The following HS6ST3 variants were observed in gnomAD, a reference collection of about 807,000 sequenced individuals.
HS6ST3 encodes the protein heparan sulfate 6-O-sulfotransferase 3.
In HS6ST3, 12 loss-of-function variants were observed where a neutral mutation model predicts 36.7. That is an observed-to-expected ratio of 0.33 (90% confidence interval 0.21 to 0.53). The LOEUF (loss-of-function observed/expected upper bound fraction) is 0.53, where lower values mean the gene tolerates loss of function less well. HS6ST3 is among the 20% of genes least tolerant of loss of function. The pLI, the probability that HS6ST3 is intolerant of heterozygous loss-of-function variation, is 0.95. For synonymous variants in HS6ST3, 240 were observed against 257.5 expected (o/e 0.93, Z 0.65); for missense variants, 584 against 640.9 (o/e 0.91, Z 0.96).
In HS6ST3 at chr13:96,235,473, A is replaced by C. The variant is rs972277847; in HGVS notation, c.707+143904A>C. 3.9e-5 allele frequency among the ~76,000 whole-genome samples: 6 copies of C among 152,216 alleles called. No homozygotes were observed. In the South Asian group the frequency reaches 1.2e-3, roughly 32 times the overall value. On this transcript the variant is annotated intron_variant, in intron 1 of 1. Transcript: ENST00000376705. ...GCCACACATAGAACCAGCAAAGAGG[A>C]AGCCACAAATGGGTCATAGGGGAGT... is the stretch of plus-strand genomic sequence containing the variant.
rs570659745 is a variant in HS6ST3 at position 96,221,551 on chromosome 13, G to T, written c.707+129982G>T. On this transcript the variant is annotated intron_variant, in intron 1 of 1. Transcript: ENST00000376705. ...GGAGGAGGTAGGATTTGGGGGAACA[G>T]TTAGATGCAGGTGAGTGCTCTAAAG... Among the ~76,000 whole-genome samples the T allele has an allele frequency of 4.6e-5, 7 of 152,268 alleles. No homozygotes were observed. In the South Asian group the frequency reaches 1.5e-3, roughly 32 times the overall value.
chr13:96,770,689 AAC>A (rs1594856160), intron 1 of HS6ST3, among the ~76,000 whole-genome samples: 1 of 152,236 alleles, frequency 6.6e-6, no homozygotes, highest in Non-Finnish European at 1.5e-5. Context: ...ATTGGATAGT[AAC>A]CACCAGAATT....
At chr13:96,458,166 A>G (rs1409603463) in intron 1 of HS6ST3, among the ~76,000 whole-genome samples, 1 of 152,182 alleles carries the variant, frequency 6.6e-6, no homozygotes, top group Admixed American at 6.5e-5. Context: ...TCTTACCTTC[A>G]TTCATTCCAA....
intron 1 of HS6ST3, among the ~76,000 whole-genome samples, chr13:96,241,169 A>G (rs994368660): frequency 6.6e-6 from 1 of 152,124 alleles, no homozygotes; most frequent in African/African-American, 2.4e-5. Flanking sequence ...ATAAAATGAA[A>G]GAAACGCCTA....
intron 1 of HS6ST3, among the ~76,000 whole-genome samples, chr13:96,398,129 T>C (rs556586934): frequency 6.6e-6 from 1 of 152,290 alleles, no homozygotes; most frequent in South Asian, 2.1e-4. Context: ...ATTGTGACTG[T>C]TAAATATAAT....
At chr13:96,810,728 G>A (rs1374215363) in intron 1 of HS6ST3, among the ~76,000 whole-genome samples, 4 of 152,214 alleles carry the variant, frequency 2.6e-5, no homozygotes, top group Admixed American at 6.5e-5. Context: ...TTTGCCCTGA[G>A]TGTGGGGTCT....
At position 96,804,369 on chromosome 13, in the gene HS6ST3, A is replaced by G. The variant is rs537642712; in HGVS notation, c.708-28121A>G. On this transcript the variant is annotated intron_variant, in intron 1 of 1. Transcript: ENST00000376705. ...AAAGAGGAGGAGGGAGGTGCCTGGA[A>G]TGGTTAAGGGTGTGGCCGGGAGCTT... 2.3e-4 allele frequency among the ~76,000 whole-genome samples: 35 copies of G among 152,216 alleles called. No homozygotes were observed. In the South Asian group the frequency reaches 5.8e-3, roughly 25 times the overall value.
At chr13:96,624,152 C>T (rs974710733) in intron 1 of HS6ST3, among the ~76,000 whole-genome samples, 1 of 151,962 alleles carries the variant, frequency 6.6e-6, no homozygotes, top group African/African-American at 2.4e-5. Context: ...TATACATGTA[C>T]AGGTGTGTGT....
intron 1 of HS6ST3, among the ~76,000 whole-genome samples, chr13:96,335,108 G>A (rs1023942590): frequency 6.6e-6 from 1 of 152,090 alleles, no homozygotes; most frequent in Non-Finnish European, 1.5e-5. Flanking sequence ...CATGAGGAGG[G>A]TGTTTGTTGT....
intron 1 of HS6ST3, among the ~76,000 whole-genome samples, chr13:96,282,829 C>T (rs2054782405): frequency 6.6e-6 from 1 of 152,122 alleles, no homozygotes; most frequent in Non-Finnish European, 1.5e-5. Context: ...AGGTTGCTTT[C>T]CTTGCAAGCA....
At chr13:96,105,202 G>T (rs1566882821) in intron 1 of HS6ST3, among the ~76,000 whole-genome samples, 2 of 152,084 alleles carry the variant, frequency 1.3e-5, no homozygotes, top group Admixed American at 6.6e-5. Flanking sequence ...CATGGATGTG[G>T]ATTGATTTGA....
intron 1 of HS6ST3, among the ~76,000 whole-genome samples, chr13:96,703,604 A>C (rs1875344636): frequency 6.6e-6 from 1 of 152,192 alleles, no homozygotes; most frequent in East Asian, 1.9e-4. Flanking sequence ...CAATTGCTCC[A>C]TTATGTTCTA....
intron 1 of HS6ST3, among the ~76,000 whole-genome samples, chr13:96,119,016 A>G (rs2053912440): frequency 6.6e-6 from 1 of 152,100 alleles, no homozygotes; most frequent in Non-Finnish European, 1.5e-5. Flanking sequence ...GGCCACATTA[A>G]AGATATTTGC....
At chr13:96,799,226 A>G (rs1877982875) in intron 1 of HS6ST3, among the ~76,000 whole-genome samples, 1 of 152,130 alleles carries the variant, frequency 6.6e-6, no homozygotes, top group African/African-American at 2.4e-5. Flanking sequence ...CAGTCCCACC[A>G]ACAGTGTAAA....
intron 1 of HS6ST3, among the ~76,000 whole-genome samples, chr13:96,245,079 C>T (rs2054578346): frequency 6.6e-6 from 1 of 152,200 alleles, no homozygotes; most frequent in Non-Finnish European, 1.5e-5. Flanking sequence ...CTGTGGCACT[C>T]ATTTTGTGTG....
intron 1 of HS6ST3, among the ~76,000 whole-genome samples, chr13:96,807,854 A>G (rs1878233776): frequency 6.7e-6 from 1 of 148,568 alleles, no homozygotes; most frequent in South Asian, 2.2e-4. Context: ...TTACAGAGTG[A>G]GACTCCAACT....
intron 1 of HS6ST3, among the ~76,000 whole-genome samples, chr13:96,729,216 G>A (rs958299320): frequency 2.0e-5 from 3 of 151,968 alleles, no homozygotes; most frequent in Non-Finnish European, 4.4e-5. Flanking sequence ...TAAATAGAAC[G>A]GCCACTCTGT....
intron 1 of HS6ST3, among the ~76,000 whole-genome samples, chr13:96,101,345 G>A (rs2053817390): frequency 6.6e-6 from 1 of 152,070 alleles, no homozygotes; most frequent in Admixed American, 6.6e-5. Context: ...GTCTCTGAAG[G>A]TAATAGGTGA....
intron 1 of HS6ST3, among the ~76,000 whole-genome samples, chr13:96,237,251 TAGAAGCCAAC>T (rs2054539015): frequency 6.6e-6 from 1 of 152,214 alleles, no homozygotes; most frequent in Non-Finnish European, 1.5e-5. Context: ...ATTGAGAAGA[TAGAAGCCAAC>T]AGAATGAAGT....
Sources: gnomAD v4.1 joint callset for allele counts (sites outside exome capture counted in the v4.1 genomes callset) on GRCh38, gnomAD v4.1.1 for gene constraint, MANE v1.5 for transcripts, NCBI Gene and HGNC (gene_info 2026-07-23, HGNC 2026-07-21) for gene names.